The following RAB37 variants were observed in gnomAD, a reference collection of about 807,000 sequenced individuals.
The protein encoded by RAB37 is ras-related protein Rab-37.
RAB37 carries 29 observed loss-of-function variants against 33.1 expected under a neutral mutation model. The ratio of observed to expected loss-of-function variants is 0.88; its 90% confidence interval spans 0.65 to 1.20. RAB37 has a LOEUF of 1.20. Ranked by LOEUF, RAB37 falls within the 50% of genes most tolerant of loss-of-function variation. The pLI, the probability that RAB37 is intolerant of heterozygous loss-of-function variation, is 0.00. For synonymous variants in RAB37, 128 were observed against 119.5 expected (o/e 1.07, Z -0.47); for missense variants, 299 against 301.1 (o/e 0.99, Z 0.05).
intron 1 of RAB37, among the ~76,000 whole-genome samples, chr17:74,723,584 T>TA (rs2034268958): frequency 6.7e-6 from 1 of 149,864 alleles, no homozygotes; most frequent in African/African-American, 2.5e-5. Flanking sequence ...ACTTTTTTTT[T>TA]TTTTTTTTTT....
Position 74,747,271 on chromosome 17 carries a change from A to G in RAB37, c.*1860A>G, listed in dbSNP as rs1266251557. On this transcript the variant is annotated 3_prime_UTR_variant, in exon 9 of 9. Coordinates refer to ENST00000392613, the MANE Select transcript of RAB37 (RefSeq NM_001006638.3). ...GGCAGGTTGCAGGAGATCCAATCCC[A>G]TAGACAGCTCTGGGCCTCTTGCATT... The G allele has an allele frequency of 6.6e-6, 1 of 150,400 alleles. No individual in the cohort carries two copies. The highest frequency in any genetic ancestry group is 2.4e-5 in the African/African-American group (1 of 40,914). The allele number at this position is 150,400 out of a possible 1,614,324, so 9.3% of individuals were successfully genotyped here.
chr17:74,737,621 T>C (rs2034512214), intron 1 of RAB37, among the ~76,000 whole-genome samples: 2 of 151,992 alleles, frequency 1.3e-5, no homozygotes, highest in African/African-American at 4.8e-5. Flanking sequence ...TCTGCCACAC[T>C]CTGGCAAATA....
At chr17:74,710,927 C>A (rs2033912817) in intron 1 of RAB37, among the ~76,000 whole-genome samples, 1 of 152,032 alleles carries the variant, frequency 6.6e-6, no homozygotes, top group Admixed American at 6.5e-5. Flanking sequence ...TTAATCCCAG[C>A]AACTCAGACG....
upstream of RAB37, among the ~76,000 whole-genome samples, chr17:74,732,688 T>C (rs922814974): frequency 1.4e-5 from 1 of 73,630 alleles, no homozygotes; most frequent in African/African-American, 5.0e-5. Flanking sequence ...GTGAGATGTG[T>C]ATGGTGTGAT....
intron 1 of RAB37, among the ~76,000 whole-genome samples, chr17:74,688,781 A>G (rs962837845): frequency 5.9e-5 from 9 of 152,322 alleles, no homozygotes; most frequent in Non-Finnish European, 1.0e-4. Flanking sequence ...AAAAATGAAG[A>G]AAGATTTTGC....
In RAB37 at chr17:74,700,168, TAAAC is replaced by T. The variant is rs1358953735; in HGVS notation, c.72+28525_72+28528del. Reference sequence around the variant, plus strand: ...ATAAATAAATAAATAAATAAATAAATAAACAAACAAACAAACAATCAAAATAAAA... The same window carrying T: ...ATAAATAAATAAATAAATAAATAAATAAACAAACAAACAATCAAAATAAAA... On this transcript the variant is annotated intron_variant, in intron 1 of 7. Transcript: ENST00000340415. Among the ~76,000 whole-genome samples, 758 of 77,010 alleles carry T rather than the reference TAAAC, an allele frequency of 9.8e-3. 9 individuals are homozygous for T. The highest frequency in any genetic ancestry group is 0.055 in the East Asian group (111 of 2,022). 50.5% of individuals were successfully genotyped at this position (77,010 alleles called of 152,430 possible).
At chr17:74,719,201 A>C (rs2034207005) in intron 1 of RAB37, among the ~76,000 whole-genome samples, 1 of 152,220 alleles carries the variant, frequency 6.6e-6, no homozygotes. Flanking sequence ...TAATCTCAGC[A>C]CTTTGGGAGG....
At chr17:74,698,736 A>T in intron 1 of RAB37, 1 of 786,564 alleles carries the variant, frequency 1.3e-6, no homozygotes, top group South Asian at 2.2e-5. Context: ...GCAAAGAATC[A>T]AAAAACTACA....
chr17:74,675,811 G>A (rs983150441), intron 1 of RAB37, among the ~76,000 whole-genome samples: 1 of 152,216 alleles, frequency 6.6e-6, no homozygotes, highest in African/African-American at 2.4e-5. Context: ...AATAGTTGGA[G>A]GCTGACCCAG....
intron 2 of RAB37, among the ~76,000 whole-genome samples, chr17:74,731,318 A>G (rs73361355): frequency 0.14 from 21,280 of 152,186 alleles, 4,258 homozygotes; most frequent in African/African-American, 0.44. Flanking sequence ...GTGCTGCCAC[A>G]GGCTCCGCTC....
chr17:74,702,580 C>T (rs181188079), intron 1 of RAB37, among the ~76,000 whole-genome samples: 1 of 152,276 alleles, frequency 6.6e-6, no homozygotes, highest in East Asian at 1.9e-4. Flanking sequence ...AACAGGACTT[C>T]CCCAAGCCCT....
rs2031699001 is a variant in RAB37 at position 74,671,340 on chromosome 17, C to G, written c.-247C>G. 1 of 532,984 alleles carries G rather than the reference C, an allele frequency of 1.9e-6. No homozygotes were observed. The highest frequency in any genetic ancestry group is 3.1e-5 in the Admixed American group (1 of 32,670). The allele number at this position is 532,984 out of a possible 1,614,324, so 33.0% of individuals were successfully genotyped here. On this transcript the variant is annotated 5_prime_UTR_variant, in exon 1 of 8. Coordinates refer to the RAB37 transcript ENST00000340415. The surrounding 1 kb of genome is among the most constrained non-coding windows in gnomAD (Gnocchi z 5.0). ...GGACAGGATCTCAGAACTCTGGTCC[C>G]GGGCGCACAACGGCGGAGTCGCTGT...
chr17:74,684,921 T>C (rs1403431975), intron 1 of RAB37, among the ~76,000 whole-genome samples: 2 of 152,180 alleles, frequency 1.3e-5, no homozygotes, highest in East Asian at 1.9e-4. Flanking sequence ...GGAATTTTGT[T>C]ATACACATTT....
At chr17:74,672,711 A>G (rs988397800) in intron 1 of RAB37, 40 of 152,168 alleles carry the variant, frequency 2.6e-4, no homozygotes, top group African/African-American at 9.7e-4. Context: ...TCCTTACTAA[A>G]CTTCTCATCA....
chr17:74,671,596 C>A lies in RAB37; in HGVS notation c.10C>A (p.Gln4Lys), dbSNP rs113731530. 3 of 1,614,184 alleles carry A rather than the reference C, an allele frequency of 1.9e-6. No homozygotes were observed. Among genetic ancestry groups the A allele is most frequent in the Non-Finnish European group, 2.5e-6 (3 of 1,180,012 alleles). The change falls in exon 1 of 8, where the codon CAG (glutamine) becomes AAG (lysine). Residue 4 changes from glutamine (Q) to lysine (K), a missense_variant. Coordinates refer to the RAB37 transcript ENST00000340415. The surrounding 1 kb of genome is among the most constrained non-coding windows in gnomAD (Gnocchi z 5.0). ...GAGCTCCAAGCCTGGCATGGACCTG[C>A]AGAGACCCGATTCCTACCAGGGAGG...
intron 1 of RAB37, 30 bp downstream of exon 1, chr17:74,737,395 C>A: frequency 6.5e-7 from 1 of 1,531,708 alleles, no homozygotes; most frequent in Non-Finnish European, 8.7e-7. Flanking sequence ...GAGACCCCCG[C>A]CCTCCTCGGC....
intron 1 of RAB37, chr17:74,705,273 G>C: frequency 4.3e-6 from 3 of 700,934 alleles, no homozygotes; most frequent in Non-Finnish European, 7.8e-6. Context: ...CTGTGGAGAG[G>C]CTGTCCTGGT....
intron 1 of RAB37, among the ~76,000 whole-genome samples, chr17:74,679,994 A>G (rs2031920257): frequency 7.3e-6 from 1 of 137,902 alleles, no homozygotes; most frequent in Admixed American, 7.5e-5. Context: ...AAAAAAAAAA[A>G]GAAAGAAAGA....
In RAB37 at chr17:74,703,070, G is replaced by A. The variant is rs758356227; in HGVS notation, c.73-26186G>A. On this transcript the variant is annotated intron_variant, in intron 1 of 7. Coordinates refer to the RAB37 transcript ENST00000340415. ...AGTGGTGGCCGGTCAGAGTTGGGGAGCTGCTAGTTTCTTCTTGGGTGACTG... is the reference window on the plus strand; with the variant it reads ...AGTGGTGGCCGGTCAGAGTTGGGGAACTGCTAGTTTCTTCTTGGGTGACTG... 1.3e-5 allele frequency: 21 copies of A among 1,613,918 alleles called. No homozygotes were observed. In the Admixed American group the frequency reaches 2.7e-4, roughly 20 times the overall value.
Sources: gnomAD v4.1 joint callset for allele counts (sites outside exome capture counted in the v4.1 genomes callset) on GRCh38, gnomAD v4.1.1 for gene constraint, Gnocchi (gnomAD v3.1) non-coding constraint, MANE v1.5 for transcripts, NCBI Gene and HGNC (gene_info 2026-07-23, HGNC 2026-07-21) for gene names.